Variants in CLN3 observed in about 807,000 individuals in gnomAD.
CLN3 encodes the protein CLN3 lysosomal/endosomal transmembrane protein, battenin, also known as battenin.
A neutral mutation model predicts 60.7 loss-of-function variants in CLN3; 49 were observed. The ratio of observed to expected loss-of-function variants is 0.81; its 90% confidence interval spans 0.64 to 1.02. The LOEUF (loss-of-function observed/expected upper bound fraction) is 1.02, where lower values mean the gene tolerates loss of function less well. Ranked by LOEUF, CLN3 falls within the 50% of genes least tolerant of loss-of-function variation. The probability of loss-of-function intolerance (pLI) is 0.00; values close to 1 mark genes in which losing one functional copy is unlikely to be tolerated. For synonymous variants in CLN3, 256 were observed against 245.8 expected (o/e 1.04, Z -0.39); for missense variants, 516 against 557.4 (o/e 0.93, Z 0.75).
chr16:28,482,475 A>T lies in CLN3; in HGVS notation c.906+2T>A, dbSNP rs771788391. 2.5e-6 allele frequency: 4 copies of T among 1,614,144 alleles called. No individual in the cohort carries two copies. The highest frequency in any genetic ancestry group is 2.5e-6 in the Non-Finnish European group (3 of 1,180,010). ...ACACCCCTCCTAGCACCCCTCACTT[A>T]CAAGTCCCTGGTTAATGAAATACTC... is the stretch of plus-strand genomic sequence containing the variant. On this transcript the variant is annotated splice_donor_variant, in intron 12 of 15. Transcript: ENST00000636147. LOFTEE classifies it high-confidence loss of function.
At chr16:28,483,708 CTTTTCTTTTT>C in intron 10 of CLN3, among the ~76,000 whole-genome samples, 2 of 116,296 alleles carry the variant, frequency 1.7e-5, no homozygotes, top group East Asian at 5.0e-4. Context: ...TCCTTCCTTT[CTTTTCTTTTT>C]TTTTTTTTTT....
intron 14 of CLN3, among the ~76,000 whole-genome samples, chr16:28,480,947 G>A (rs1192516326): frequency 6.6e-6 from 1 of 152,128 alleles, no homozygotes; most frequent in African/African-American, 2.4e-5. Flanking sequence ...TGACTTCAAA[G>A]TCACCAATTC....
intron 14 of CLN3, among the ~76,000 whole-genome samples, chr16:28,480,761 G>T (rs1234033106): frequency 1.3e-5 from 2 of 152,144 alleles, no homozygotes; most frequent in Non-Finnish European, 2.9e-5. Flanking sequence ...ACAGTTTATT[G>T]TAACAGTTAC....
intron 9 of CLN3, chr16:28,484,334 T>G: frequency 1.8e-6 from 1 of 564,222 alleles, no homozygotes; most frequent in Non-Finnish European, 3.2e-6. Context: ...TTATTCCTAT[T>G]CATGGGCCTT....
At chr16:28,481,550 C>A (rs542399978) in intron 14 of CLN3, among the ~76,000 whole-genome samples, 1 of 152,136 alleles carries the variant, frequency 6.6e-6, no homozygotes, top group East Asian at 1.9e-4. Context: ...GTATTGGCCA[C>A]ACCCAATTTA....
Position 28,477,281 on chromosome 16 carries a change from C to T in CLN3, c.*235G>A, listed in dbSNP as rs2141692851. ...AGAGACAAAAACGATATAAGAAGTC[C>T]ATGGATAAAATCGGCATTTATTCAG... is the stretch of plus-strand genomic sequence containing the variant. On this transcript the variant is annotated 3_prime_UTR_variant, in exon 16 of 16. Coordinates refer to ENST00000636147, the MANE Select transcript of CLN3 (RefSeq NM_001042432.2). 1 of 582,258 alleles carries T rather than the reference C, an allele frequency of 1.7e-6. No homozygotes were observed. Among genetic ancestry groups the T allele is most frequent in the East Asian group, 2.9e-5 (1 of 33,994 alleles). 36.1% of individuals were successfully genotyped at this position (582,258 alleles called of 1,614,324 possible). A position where few individuals can be genotyped will look rare whatever the true frequency, so the allele number is the denominator to read the frequency against.
rs142804308 is a variant in CLN3, at chr16:28,484,454, T to A, written c.678-336A>T. ...GCCGCGACCTCCCAGGCTCAAGCAA[T>A]CCTCCCGCCTCAGCCTCCCAAGTAG... On this transcript the variant is annotated intron_variant, in intron 9 of 15. Coordinates refer to ENST00000636147, the MANE Select transcript of CLN3 (RefSeq NM_001042432.2). 8.7e-3 allele frequency: 2,594 copies of A among 298,980 alleles called. 64 individuals carry two copies. Among genetic ancestry groups the A allele is most frequent in the African/African-American group, 0.052 (2,436 of 46,428 alleles). 18.5% of individuals were successfully genotyped at this position (298,980 alleles called of 1,614,324 possible).
chr16:28,484,262 G>A (rs1487461587), intron 9 of CLN3, 144 bp from the exon 10 acceptor site: 61 of 701,096 alleles, frequency 8.7e-5, no homozygotes, highest in Middle Eastern at 7.4e-4. Flanking sequence ...AGGCTCCTAC[G>A]CTGTGCGGGA....
At chr16:28,485,782 C>T (rs1409006969) in intron 9 of CLN3, among the ~76,000 whole-genome samples, 1 of 151,138 alleles carries the variant, frequency 6.6e-6, no homozygotes, top group Non-Finnish European at 1.5e-5. Context: ...AATGCATTAC[C>T]CTCATCACCT....
intron 7 of CLN3, chr16:28,486,880 C>A: frequency 1.7e-6 from 1 of 601,114 alleles, no homozygotes; most frequent in Non-Finnish European, 3.0e-6. Flanking sequence ...GACATGCACC[C>A]TTGATGTCTC....
intron 14 of CLN3, among the ~76,000 whole-genome samples, chr16:28,478,662 G>A (rs1223968174): frequency 6.8e-6 from 1 of 147,718 alleles, no homozygotes; most frequent in Non-Finnish European, 1.5e-5. Flanking sequence ...GCTTCTTAAA[G>A]GAAGTGGGAC....
In CLN3 at chr16:28,477,958, G is replaced by A; in HGVS notation, c.1057-81C>T. ...GTGGCCTCCCCTCCAGGGGTCCCTGGTTTTAGGAGTTACTGGTGAAGGAGA... is the reference window on the plus strand; with the variant it reads ...GTGGCCTCCCCTCCAGGGGTCCCTGATTTTAGGAGTTACTGGTGAAGGAGA... On this transcript the variant is annotated intron_variant, in intron 14 of 15. Coordinates refer to ENST00000636147, the MANE Select transcript of CLN3 (RefSeq NM_001042432.2). 5 of 1,517,618 alleles carry A rather than the reference G, an allele frequency of 3.3e-6. No homozygotes were observed. The Admixed American group carries it at 7.7e-5, about 23-fold the overall frequency. 94.0% of individuals were successfully genotyped at this position (1,517,618 alleles called of 1,614,324 possible). A position where few individuals can be genotyped will look rare whatever the true frequency, so the allele number is the denominator to read the frequency against.
chr16:28,483,235 T>G (rs1204228191), intron 10 of CLN3, among the ~76,000 whole-genome samples: 1 of 152,134 alleles, frequency 6.6e-6, no homozygotes, highest in Non-Finnish European at 1.5e-5. Flanking sequence ...TTTTTTTTAT[T>G]TTTTGAGACA....
intron 7 of CLN3, chr16:28,487,160 C>G: frequency 4.1e-6 from 2 of 486,636 alleles, no homozygotes; most frequent in Non-Finnish European, 7.5e-6. Context: ...ATCTGCCTGC[C>G]TTGGCTTTCC....
chr16:28,481,052 C>T lies in CLN3; in HGVS notation c.1056+1053G>A, dbSNP rs1170719040. On this transcript the variant is annotated intron_variant, in intron 14 of 15. Coordinates refer to ENST00000636147, the MANE Select transcript of CLN3 (RefSeq NM_001042432.2). Reference sequence around the variant, plus strand: ...CTGTCTCTTTGCCTGAGGTAAATGACCTATGATCATGCCACTGTACTCCAG... The same window carrying T: ...CTGTCTCTTTGCCTGAGGTAAATGATCTATGATCATGCCACTGTACTCCAG... Among the ~76,000 whole-genome samples the T allele has an allele frequency of 7.9e-5, 12 of 152,110 alleles. 1 individual carries two copies. The highest frequency in any genetic ancestry group is 7.9e-4 in the Admixed American group (12 of 15,254).
At chr16:28,485,971 A>G (rs2046207553) in intron 9 of CLN3, among the ~76,000 whole-genome samples, 1 of 151,314 alleles carries the variant, frequency 6.6e-6, no homozygotes, top group Non-Finnish European at 1.5e-5. Flanking sequence ...GAAGATTGCA[A>G]TCATAATCAA....
downstream of CLN3, chr16:28,470,625 A>AAGGGGAGGGGGAGGGGG (rs1567250674): frequency 1.5e-4 from 1 of 6,626 alleles, no homozygotes. Flanking sequence ...GGGGAAGGGG[A>AAGGGGAGGGGGAGGGGG]GGGGAGGGGG....
chr16:28,486,375 G>T lies in CLN3; in HGVS notation c.649C>A (p.Leu217Met), dbSNP rs150913606. 1.2e-4 allele frequency: 197 copies of T among 1,612,634 alleles called. 1 individual carries two copies. The highest frequency in any genetic ancestry group is 1.5e-4 in the Non-Finnish European group (179 of 1,180,044). ...LSPQQTLLSMLGIPALLLASY... is the reference protein window; with the variant it reads ...LSPQQTLLSMMGIPALLLASY... ...GCCAGCAGCAGGGCAGGGATACCCA[G>T]CATGGACAGCAGGGTCTGCTGAGGG... Residue 217 changes from leucine to methionine, a missense_variant, in exon 9 of 16, where the codon CTG becomes ATG. Physicochemically the swap from Leu to Met is conservative, Grantham distance 15. Coordinates refer to ENST00000636147, the MANE Select transcript of CLN3 (RefSeq NM_001042432.2).
Position 28,491,545 on chromosome 16 carries a change from G to A in CLN3, c.62C>T (p.Pro21Leu), listed in dbSNP as rs562525993. The A allele has an allele frequency of 8.7e-6, 14 of 1,614,046 alleles. No individual in the cohort carries two copies. In the African/African-American group the frequency reaches 1.1e-4, roughly 12 times the overall value. ...GTCCAACAGAGGGAGCCGGGGCTCC[G>A]GGACGGTCTCCTCCCCTGGGAGAGC... ...FSDSEGEETVPEPRLPLLDHQ... is the reference protein window; with the variant it reads ...FSDSEGEETVLEPRLPLLDHQ... Residue 21 changes from proline (P) to leucine (L), a missense_variant, in exon 3 of 16, where the codon CCG (proline) becomes CTG (leucine). Transcript: ENST00000636147.
Sources: gnomAD v4.1 joint callset for allele counts (sites outside exome capture counted in the v4.1 genomes callset) on GRCh38, gnomAD v4.1.1 for gene constraint, MANE v1.5 for transcripts, NCBI Gene and HGNC (gene_info 2026-07-23, HGNC 2026-07-21) for gene names.